Variants in TSHZ3 observed in about 807,000 individuals in gnomAD.
TSHZ3 encodes teashirt homolog 3.
A neutral mutation model predicts 64.5 loss-of-function variants in TSHZ3; 10 were observed. The ratio of observed to expected loss-of-function variants is 0.16; its 90% CI spans 0.10 to 0.26. The LOEUF is 0.26. Among genes scored for constraint, TSHZ3 ranks in the 10% least tolerant of loss-of-function variants. TSHZ3 has a pLI of 1.00. For synonymous variants in TSHZ3, 608 were observed against 593.1 expected (o/e 1.03, Z -0.36); for missense variants, 1,242 against 1,421.7 (o/e 0.87, Z 2.03).
chr19:31,239,607 A>G (rs186523530), intron 3 of TSHZ3, among the ~76,000 whole-genome samples: 2 of 151,596 alleles, frequency 1.3e-5, no homozygotes, highest in African/African-American at 4.8e-5. Context: ...TTTTTTGGAG[A>G]CAGAGTACTG....
intron 1 of TSHZ3, among the ~76,000 whole-genome samples, chr19:31,246,626 G>A (rs1329464098): frequency 6.6e-6 from 1 of 152,102 alleles, no homozygotes; most frequent in African/African-American, 2.4e-5. Flanking sequence ...GGAAGGGAGA[G>A]AGAGTGAGGG....
At chr19:31,231,797 A>G (rs1975544160) in intron 3 of TSHZ3, among the ~76,000 whole-genome samples, 1 of 152,184 alleles carries the variant, frequency 6.6e-6, no homozygotes, top group Admixed American at 6.5e-5. Context: ...GTGCCTAGGA[A>G]TTCCTAAGGA....
At chr19:31,268,041 G>A (rs1353993670) in intron 1 of TSHZ3, among the ~76,000 whole-genome samples, 1 of 152,078 alleles carries the variant, frequency 6.6e-6, no homozygotes, top group African/African-American at 2.4e-5. Flanking sequence ...TCATGGGGGT[G>A]GGTCTTTCCC....
In TSHZ3 at chr19:31,332,378, A is replaced by AACC. The variant is rs767149141; in HGVS notation, c.40+16799_40+16801dup. ...TCCCCACACTGCCATGGCAGAAGGG[A>AACC]ACCACGGAGCTGGTGGGGCTCTGAA... On this transcript the variant is annotated intron_variant, in intron 1 of 1. Transcript: ENST00000240587. Among the ~76,000 whole-genome samples the AACC allele has an allele frequency of 2.3e-3, 343 of 152,320 alleles. 2 individuals are homozygous for AACC. The highest frequency in any genetic ancestry group is 6.8e-3 in the Admixed American group (104 of 15,302).
intron 4 of TSHZ3, among the ~76,000 whole-genome samples, chr19:31,208,339 T>A (rs1975214399): frequency 6.6e-6 from 1 of 152,170 alleles, no homozygotes; most frequent in Admixed American, 6.5e-5. Flanking sequence ...TAATTTCCCA[T>A]CTTTGTCTTC....
chr19:31,298,034 G>A (rs1378953126), intron 1 of TSHZ3, among the ~76,000 whole-genome samples: 1 of 152,178 alleles, frequency 6.6e-6, no homozygotes, highest in Non-Finnish European at 1.5e-5. Flanking sequence ...GGATAGAGCT[G>A]TATGGAGCTC....
intron 1 of TSHZ3, among the ~76,000 whole-genome samples, chr19:31,266,421 A>G (rs2145202731): frequency 6.6e-6 from 1 of 152,202 alleles, no homozygotes; most frequent in African/African-American, 2.4e-5. Flanking sequence ...CTATGATTGC[A>G]CCACTTGAAG....
chr19:31,270,066 T>C (rs929923014), downstream of TSHZ3, among the ~76,000 whole-genome samples: 1 of 152,244 alleles, frequency 6.6e-6, no homozygotes, highest in Non-Finnish European at 1.5e-5. Context: ...GTTTGCAGCC[T>C]AGATCATATC....
intron 1 of TSHZ3, among the ~76,000 whole-genome samples, chr19:31,330,857 G>A (rs10407428): frequency 0.033 from 5,002 of 152,076 alleles, 249 homozygotes; most frequent in African/African-American, 0.11. Context: ...AAGGTGGGCC[G>A]TACCCCAGGG....
intron 5 of TSHZ3, among the ~76,000 whole-genome samples, chr19:31,159,811 G>GC (rs1974351267): frequency 6.6e-6 from 1 of 151,724 alleles, no homozygotes; most frequent in Non-Finnish European, 1.5e-5. Flanking sequence ...TCTTACCTCA[G>GC]CCCCCCAAGT....
rs372799768 is a variant in TSHZ3, at chr19:31,288,187, T to A, written c.41-8435A>T. On this transcript the variant is annotated intron_variant, in intron 1 of 1. Coordinates refer to ENST00000240587, the MANE Select transcript of TSHZ3 (RefSeq NM_020856.4). ...GCCGAAGGGGATGGAGGAAGGATGA[T>A]GGCTTGGGAAGGTGGCTGTCAGGTG... Among the ~76,000 whole-genome samples the A allele has an allele frequency of 7.2e-5, 11 of 152,296 alleles. No individual in the cohort carries two copies. The East Asian group carries it at 1.9e-3, about 27-fold the overall frequency.
intron 3 of TSHZ3, among the ~76,000 whole-genome samples, chr19:31,241,359 T>A (rs1010852971): frequency 3.3e-5 from 5 of 152,186 alleles, no homozygotes; most frequent in Non-Finnish European, 5.9e-5. Flanking sequence ...AGACACAATT[T>A]TCTGTTGTCT....
intron 5 of TSHZ3, among the ~76,000 whole-genome samples, chr19:31,184,074 A>G (rs968869466): frequency 1.3e-5 from 2 of 152,246 alleles, no homozygotes; most frequent in Non-Finnish European, 2.9e-5. Context: ...TAAAGGGCAC[A>G]TTCAAAATTA....
intron 3 of TSHZ3, among the ~76,000 whole-genome samples, chr19:31,233,310 G>T (rs1192387690): frequency 2.0e-5 from 3 of 152,134 alleles, no homozygotes; most frequent in Non-Finnish European, 4.4e-5. Context: ...ATATAAAGTG[G>T]TATTCCATTT....
intron 5 of TSHZ3, among the ~76,000 whole-genome samples, chr19:31,174,522 G>A (rs1974581579): frequency 6.6e-6 from 1 of 152,202 alleles, no homozygotes; most frequent in Non-Finnish European, 1.5e-5. Context: ...TGGGCATCCT[G>A]TGGCCCAGAT....
downstream of TSHZ3, among the ~76,000 whole-genome samples, chr19:31,271,899 T>C (rs1976145458): frequency 6.6e-6 from 1 of 152,204 alleles, no homozygotes; most frequent in South Asian, 2.1e-4. Context: ...GTATTTATTA[T>C]TAAAGAGCGG....
At chr19:31,260,186 C>T (rs1975966950) in intron 1 of TSHZ3, among the ~76,000 whole-genome samples, 1 of 152,080 alleles carries the variant, frequency 6.6e-6, no homozygotes, top group African/African-American at 2.4e-5. Context: ...TTGGCTAATT[C>T]TGAGACCCAG....
intron 5 of TSHZ3, chr19:31,167,474 A>C (rs932242560): frequency 1.2e-4 from 19 of 152,206 alleles, no homozygotes; most frequent in African/African-American, 4.6e-4. Flanking sequence ...AAGTCCAGCA[A>C]GAGTTGAACA....
At chr19:31,244,609 C>T (rs912702128) in intron 1 of TSHZ3, among the ~76,000 whole-genome samples, 8 of 152,080 alleles carry the variant, frequency 5.3e-5, no homozygotes, top group Admixed American at 5.2e-4. Context: ...GTGATTTATC[C>T]ACATAATGGG....
Sources: gnomAD v4.1 joint callset for allele counts (sites outside exome capture counted in the v4.1 genomes callset) on GRCh38, gnomAD v4.1.1 for gene constraint, MANE v1.5 for transcripts, NCBI Gene and HGNC (gene_info 2026-07-23, HGNC 2026-07-21) for gene names.